Variants in TIMM23 observed in about 807,000 individuals in gnomAD.
TIMM23 encodes the protein translocase of inner mitochondrial membrane 23.
TIMM23 carries 19 observed loss-of-function variants against 30.7 expected under a neutral mutation model. That is an observed-to-expected ratio of 0.62 (90% CI 0.43 to 0.91). The LOEUF is 0.91. Among genes scored for constraint, TIMM23 ranks in the 40% least tolerant of loss-of-function variants. The pLI is 0.00. For synonymous variants in TIMM23, 78 were observed against 98.5 expected, an observed-to-expected ratio of 0.79 and a Z score of 1.23; for missense variants, 202 against 269.2, an observed-to-expected ratio of 0.75 and a Z score of 1.75.
intron 6 of TIMM23, among the ~76,000 whole-genome samples, chr10:45,995,626 C>G (rs1251904922): frequency 1.5e-5 from 2 of 135,026 alleles, no homozygotes; most frequent in Admixed American, 8.3e-5. Flanking sequence ...TAACATTTGT[C>G]TAACCCTAAA....
At chr10:45,984,252 A>G (rs1837936763) in intron 4 of TIMM23, among the ~76,000 whole-genome samples, 1 of 152,180 alleles carries the variant, frequency 6.6e-6, no homozygotes, top group Admixed American at 6.5e-5. Context: ...ACCATCAACC[A>G]TGGCCAGTTC....
rs115180946 is a variant in TIMM23, at chr10:46,000,716, T to A, written c.515-2487T>A. 3.2e-3 allele frequency among the ~76,000 whole-genome samples: 495 copies of A among 152,356 alleles called. 3 individuals carry two copies. The highest frequency in any genetic ancestry group is 0.011 in the African/African-American group (445 of 41,588). ...CAGCTAGAAGCAGTGGTTTTGCAGC[T>A]CTTTCCAAAGCCCATGGACTGACTT... On this transcript the variant is annotated intron_variant, in intron 6 of 6. Transcript: ENST00000580018.
intron 3 of TIMM23, 112 bp downstream of exon 3, chr10:45,982,728 T>C (rs1837883359): frequency 6.4e-7 from 1 of 1,560,896 alleles, no homozygotes; most frequent in African/African-American, 1.4e-5. Context: ...AATATTTACA[T>C]TTGTCTTTTT....
At chr10:45,992,583 G>C (rs1308030222) in intron 6 of TIMM23, 2 of 429,070 alleles carry the variant, frequency 4.7e-6, no homozygotes, top group Non-Finnish European at 9.1e-6. Context: ...TTTTTAAACG[G>C]AGTTTTGCTC....
At chr10:45,976,074 G>GT (rs1837664394) in intron 2 of TIMM23, among the ~76,000 whole-genome samples, 1 of 151,918 alleles carries the variant, frequency 6.6e-6, no homozygotes, top group Non-Finnish European at 1.5e-5. Flanking sequence ...CAATATCAGG[G>GT]TTTTTTTGAC....
intron 5 of TIMM23, among the ~76,000 whole-genome samples, chr10:45,987,233 G>GAA (rs782220947): frequency 1.2e-3 from 164 of 140,376 alleles, no homozygotes; most frequent in African/African-American, 3.6e-3. Flanking sequence ...CTTTTGTGTT[G>GAA]AAAAAAAAAA....
chr10:46,000,088 C>T (rs1420034623), intron 6 of TIMM23, among the ~76,000 whole-genome samples: 2 of 152,178 alleles, frequency 1.3e-5, no homozygotes, highest in South Asian at 2.1e-4. Flanking sequence ...TTTGTTCAAA[C>T]ACACATGCTC....
At position 46,002,506 on chromosome 10, in the gene TIMM23, C is replaced by G. The variant is rs1206556511; in HGVS notation, c.515-697C>G. On this transcript the variant is annotated intron_variant, in intron 6 of 6. Coordinates refer to ENST00000580018, the MANE Select transcript of TIMM23 (RefSeq NM_006327.4). The stretch of plus-strand genomic sequence containing the variant: ...CAAGGTTAATATTTGGAGGACCCAT[C>G]CAGAGTCCAAAGGTTGTTAATACTC... 15 of 984,592 alleles carry G rather than the reference C, an allele frequency of 1.5e-5. No homozygotes were observed. In the African/African-American group the frequency reaches 2.3e-4, roughly 15 times the overall value. The allele number at this position is 984,592 out of a possible 1,614,324, so 61.0% of individuals were successfully genotyped here.
At chr10:45,975,865 G>A (rs1171796895) in intron 2 of TIMM23, among the ~76,000 whole-genome samples, 8 of 152,088 alleles carry the variant, frequency 5.3e-5, no homozygotes, top group Admixed American at 1.3e-4. Context: ...GCAGTAGCGC[G>A]ATCTCTGCTC....
intron 1 of TIMM23, among the ~76,000 whole-genome samples, chr10:45,973,167 T>C (rs1554912209): frequency 1.2e-4 from 7 of 60,772 alleles, no homozygotes; most frequent in South Asian, 6.0e-4. Flanking sequence ...AGTAATATTG[T>C]TTGTAAGTGA....
At chr10:45,983,815 C>T (rs1837920040) in intron 4 of TIMM23, among the ~76,000 whole-genome samples, 1 of 152,220 alleles carries the variant, frequency 6.6e-6, no homozygotes, top group East Asian at 1.9e-4. Flanking sequence ...GCCATCACAG[C>T]TCACTGTAGC....
intron 1 of TIMM23, among the ~76,000 whole-genome samples, chr10:45,973,908 C>G (rs1259126182): frequency 1.3e-5 from 2 of 151,964 alleles, no homozygotes; most frequent in East Asian, 3.9e-4. Context: ...CTGTCTCGGC[C>G]TCCCAAAATG....
At chr10:46,000,874 A>G (rs1554917596) in intron 6 of TIMM23, among the ~76,000 whole-genome samples, 1 of 152,246 alleles carries the variant, frequency 6.6e-6, no homozygotes, top group Non-Finnish European at 1.5e-5. Flanking sequence ...TCCACTGACA[A>G]ACAGCAGTGA....
chr10:45,982,624 T>C lies in TIMM23; in HGVS notation c.259+8T>C. 3.7e-6 allele frequency: 6 copies of C among 1,613,850 alleles called. No homozygotes were observed. The highest frequency in any genetic ancestry group is 5.1e-6 in the Non-Finnish European group (6 of 1,179,836). ...GAGGATGTTGCATGACAGGTGAGTG[T>C]TACATACTTTTTTCTCAAGAGTGCT... On this transcript the variant is annotated splice_region_variant and intron_variant, in intron 3 of 6. Coordinates refer to ENST00000580018, the MANE Select transcript of TIMM23 (RefSeq NM_006327.4).
At chr10:45,993,681 A>AT (rs1382411484) in intron 6 of TIMM23, among the ~76,000 whole-genome samples, 1 of 152,070 alleles carries the variant, frequency 6.6e-6, no homozygotes, top group Admixed American at 6.5e-5. Context: ...AATGAAGAGA[A>AT]TAAATGAAAT....
At chr10:46,001,237 T>C (rs1385012131) in intron 6 of TIMM23, among the ~76,000 whole-genome samples, 1 of 152,232 alleles carries the variant, frequency 6.6e-6, no homozygotes, top group Middle Eastern at 3.2e-3. Flanking sequence ...GTTTAATTGC[T>C]GTGCCTACAG....
intron 1 of TIMM23, among the ~76,000 whole-genome samples, chr10:45,973,898 C>G (rs1837581288): frequency 1.3e-5 from 2 of 151,938 alleles, no homozygotes; most frequent in Non-Finnish European, 2.9e-5. Context: ...GGCCATCCTC[C>G]TGTCTCGGCC....
chr10:46,001,671 C>CGTTA (rs1564912935), intron 6 of TIMM23, among the ~76,000 whole-genome samples: 1 of 152,152 alleles, frequency 6.6e-6, no homozygotes, highest in East Asian at 1.9e-4. Context: ...GTCTCCCTAA[C>CGTTA]ACATGACTTG....
At position 45,987,592 on chromosome 10, in the gene TIMM23, A is replaced by T. The variant is rs1182261564; in HGVS notation, c.404-1145A>T. Among the ~76,000 whole-genome samples, 150 of 149,202 alleles carry T rather than the reference A, an allele frequency of 1.0e-3. 1 individual carries two copies. Among genetic ancestry groups the T allele is most frequent in the African/African-American group, 3.4e-3 (137 of 40,584 alleles). On this transcript the variant is annotated intron_variant, in intron 5 of 6. Transcript: ENST00000580018. ...CAGAACTCGAGGGAACACATACTTA[A>T]CATTTGCGTATTTATTATAAAGATT...
Sources: gnomAD v4.1 joint callset for allele counts (sites outside exome capture counted in the v4.1 genomes callset) on GRCh38, gnomAD v4.1.1 for gene constraint, MANE v1.5 for transcripts, NCBI Gene and HGNC (gene_info 2026-07-23, HGNC 2026-07-21) for gene names.